Variants in VPS13B observed in about 807,000 individuals in gnomAD.
VPS13B encodes the protein vacuolar protein sorting 13 homolog B, also known as intermembrane lipid transfer protein VPS13B.
In VPS13B, 285 loss-of-function variants were observed where a neutral mutation model predicts 426.4. The observed-to-expected ratio is 0.67, with a 90% CI of 0.61 to 0.74. The LOEUF (loss-of-function observed/expected upper bound fraction) is 0.74. Ranked by LOEUF, VPS13B falls within the 30% of genes least tolerant of loss-of-function variation. The probability of loss-of-function intolerance (pLI) is 0.00; values close to 1 mark genes in which losing one functional copy is unlikely to be tolerated. For missense variants in VPS13B, 4,537 were observed against 4,782.6 expected (o/e 0.95, Z 1.51); for synonymous variants, 1,676 against 1,676.4 (o/e 1.00, Z 0.01).
At chr8:99,837,419 C>A (rs1815452800) in intron 54 of VPS13B, among the ~76,000 whole-genome samples, 1 of 152,196 alleles carries the variant, frequency 6.6e-6, no homozygotes, top group Non-Finnish European at 1.5e-5. Flanking sequence ...TCAAGGGTCT[C>A]TGAACTCCCC....
At chr8:99,591,081 C>A (rs1826638428) in intron 33 of VPS13B, among the ~76,000 whole-genome samples, 1 of 151,558 alleles carries the variant, frequency 6.6e-6, no homozygotes, top group African/African-American at 2.4e-5. Context: ...ATCCCTTTAC[C>A]ATTATGTAAT....
chr8:99,719,191 T>A (rs1833039357), intron 37 of VPS13B, among the ~76,000 whole-genome samples: 1 of 152,180 alleles, frequency 6.6e-6, no homozygotes, highest in South Asian at 2.1e-4. Flanking sequence ...AAAACGACAA[T>A]GATCTGTTTA....
At chr8:99,747,878 A>T (rs1367904398) in intron 39 of VPS13B, among the ~76,000 whole-genome samples, 1 of 151,680 alleles carries the variant, frequency 6.6e-6, no homozygotes, top group African/African-American at 2.4e-5. Flanking sequence ...CAGGGTCAGG[A>T]GAAGAGGATC....
At chr8:99,656,671 T>G (rs937958574) in intron 34 of VPS13B, among the ~76,000 whole-genome samples, 3 of 152,024 alleles carry the variant, frequency 2.0e-5, no homozygotes, top group East Asian at 1.9e-4. Flanking sequence ...GACTAAAGGG[T>G]GACTTTTGAA....
In VPS13B at chr8:99,871,490, C is replaced by G; in HGVS notation, c.11538C>G (p.Ala3846=). The G allele has an allele frequency of 1.2e-6, 2 of 1,614,154 alleles. No homozygotes were observed. The highest frequency in any genetic ancestry group is 1.7e-6 in the Non-Finnish European group (2 of 1,180,038). ...QSLGRPEVHM[A]LDVVLVRGSG... is the part of the protein sequence containing the mutation. ...TGGGCAGACCAGAAGTCCACATGGCCCTGGACGTGGTTCTGGTGAGGGGCT... is the reference window on the plus strand; with the variant it reads ...TGGGCAGACCAGAAGTCCACATGGCGCTGGACGTGGTTCTGGTGAGGGGCT... The change falls in exon 61 of 62, where the codon GCC becomes GCG. Residue 3846 remains alanine (A), a synonymous_variant. Transcript: ENST00000357162.
Position 99,665,039 on chromosome 8 carries a change from G to A in VPS13B, c.6046+3548G>A, listed in dbSNP as rs188407604. Among the ~76,000 whole-genome samples the A allele has an allele frequency of 1.6e-4, 25 of 152,224 alleles. No homozygotes were observed. In the East Asian group the frequency reaches 1.9e-3, roughly 12 times the overall value. On this transcript the variant is annotated intron_variant, in intron 35 of 61. Coordinates refer to ENST00000357162, the MANE Select transcript of VPS13B (RefSeq NM_152564.5). ...CTGGTGTGGGATGGTATCTCATTGC[G>A]GTTTTGATTTGCATTTCTCTGATGG...
chr8:99,101,428 G>A (rs1846741616), intron 4 of VPS13B, among the ~76,000 whole-genome samples: 1 of 152,146 alleles, frequency 6.6e-6, no homozygotes, highest in South Asian at 2.1e-4. Flanking sequence ...CACCGTGCTT[G>A]GCCCCATTTT....
intron 21 of VPS13B, among the ~76,000 whole-genome samples, chr8:99,428,539 A>G (rs980346542): frequency 6.6e-6 from 1 of 152,230 alleles, no homozygotes; most frequent in Non-Finnish European, 1.5e-5. Flanking sequence ...AAAAATGCTC[A>G]TCATCACTGG....
chr8:99,845,460 C>T (rs1054936364), intron 54 of VPS13B, among the ~76,000 whole-genome samples: 1 of 152,238 alleles, frequency 6.6e-6, no homozygotes, highest in Non-Finnish European at 1.5e-5. Context: ...ACTCGTGCAT[C>T]TGCATTCACC....
Position 99,018,211 on chromosome 8 carries a change from C to A in VPS13B, c.147+4276C>A, listed in dbSNP as rs1467893899. Among the ~76,000 whole-genome samples the A allele has an allele frequency of 2.0e-5, 3 of 152,038 alleles. No individual in the cohort carries two copies. The East Asian group carries it at 5.8e-4, about 29-fold the overall frequency. ...GATCAGCCTAGCCAATATGGCAAAA[C>A]CTCGTCTCTACTAAAAATACAAAAA... On this transcript the variant is annotated intron_variant, in intron 2 of 61. Coordinates refer to ENST00000357162, the MANE Select transcript of VPS13B (RefSeq NM_152564.5).
chr8:99,640,492 C>T (rs1203514266), intron 33 of VPS13B, among the ~76,000 whole-genome samples: 1 of 151,814 alleles, frequency 6.6e-6, no homozygotes, highest in Non-Finnish European at 1.5e-5. Flanking sequence ...GGTCTCGAAC[C>T]CCTGGTCTCA....
intron 3 of VPS13B, among the ~76,000 whole-genome samples, chr8:99,054,736 A>T (rs996072416): frequency 3.3e-5 from 5 of 152,130 alleles, no homozygotes; most frequent in African/African-American, 1.2e-4. Context: ...TAAATTTTGT[A>T]TATGGAATGA....
At chr8:99,161,440 A>T (rs2132637853) in intron 15 of VPS13B, among the ~76,000 whole-genome samples, 1 of 152,326 alleles carries the variant, frequency 6.6e-6, no homozygotes, top group Middle Eastern at 3.4e-3. Context: ...CACCATCCAT[A>T]CTGACATAAA....
chr8:99,216,609 A>C (rs1310850563), intron 17 of VPS13B, among the ~76,000 whole-genome samples: 6 of 151,546 alleles, frequency 4.0e-5, no homozygotes, highest in African/African-American at 1.2e-4. Flanking sequence ...AGAATTATAT[A>C]TTTAATAATT....
intron 61 of VPS13B, among the ~76,000 whole-genome samples, chr8:99,872,830 C>T (rs1817495484): frequency 1.3e-5 from 2 of 152,118 alleles, no homozygotes; most frequent in African/African-American, 4.8e-5. Context: ...CTCCTTCACG[C>T]CACTGTTTGG....
intron 23 of VPS13B, among the ~76,000 whole-genome samples, chr8:99,447,410 T>A (rs1817976256): frequency 6.6e-6 from 1 of 152,218 alleles, no homozygotes; most frequent in South Asian, 2.1e-4. Flanking sequence ...TTATTTCTAG[T>A]TTACCTGTAC....
chr8:99,491,961 T>C (rs1212901454), intron 25 of VPS13B, among the ~76,000 whole-genome samples: 1 of 152,206 alleles, frequency 6.6e-6, no homozygotes, highest in Non-Finnish European at 1.5e-5. Flanking sequence ...TTTGGAATTT[T>C]CAGCTTTTCT....
chr8:99,349,350 A>AAAAAAAAAAAAAAG (rs1184275418), intron 19 of VPS13B, among the ~76,000 whole-genome samples: 2 of 147,602 alleles, frequency 1.4e-5, no homozygotes, highest in African/African-American at 5.2e-5. Flanking sequence ...AAAAAAAAAA[A>AAAAAAAAAAAAAAG]AAAAAGAAAA....
intron 19 of VPS13B, among the ~76,000 whole-genome samples, chr8:99,306,962 A>AGGTCTTTTTGAGCTTTTT (rs1345885254): frequency 6.6e-6 from 1 of 152,128 alleles, no homozygotes; most frequent in African/African-American, 2.4e-5. Flanking sequence ...ATGCTGTGTG[A>AGGTCTTTTTGAGCTTTTT]GGTCTTTTTG....
Sources: gnomAD v4.1 joint callset for allele counts (sites outside exome capture counted in the v4.1 genomes callset) on GRCh38, gnomAD v4.1.1 for gene constraint, MANE v1.5 for transcripts, NCBI Gene and HGNC (gene_info 2026-07-23, HGNC 2026-07-21) for gene names.